The following NRCAM variants were observed in gnomAD, a reference collection of about 807,000 sequenced individuals.
NRCAM encodes neuronal cell adhesion molecule.
In NRCAM, 83 loss-of-function variants were observed where a neutral mutation model predicts 156.5. That is an observed-to-expected ratio of 0.53 (90% confidence interval 0.44 to 0.64). NRCAM has a LOEUF of 0.64. NRCAM is among the 30% of genes least tolerant of loss of function. The pLI, the probability that NRCAM is intolerant of heterozygous loss-of-function variation, is 0.00. For missense variants in NRCAM, 1,417 were observed against 1,597.3 expected (o/e 0.89, Z 1.92); for synonymous variants, 538 against 563.9 (o/e 0.95, Z 0.65).
chr7:108,219,797 A>T (rs2091438429), intron 11 of NRCAM, among the ~76,000 whole-genome samples: 1 of 152,202 alleles, frequency 6.6e-6, no homozygotes, highest in Admixed American at 6.5e-5. Flanking sequence ...GAATAAGACA[A>T]GAATGCCCAC....
chr7:108,293,410 C>T (rs545960197), intron 3 of NRCAM, among the ~76,000 whole-genome samples: 2 of 152,284 alleles, frequency 1.3e-5, no homozygotes, highest in South Asian at 2.1e-4. Context: ...GCTAAGAGGG[C>T]TCAGCTGCTT....
At chr7:108,291,127 G>T (rs2098276593) in intron 3 of NRCAM, among the ~76,000 whole-genome samples, 1 of 152,084 alleles carries the variant, frequency 6.6e-6, no homozygotes, top group Non-Finnish European at 1.5e-5. Context: ...AAAGAAAAGG[G>T]CTGCATTTCT....
At chr7:108,314,734 T>G (rs531018048) in intron 2 of NRCAM, among the ~76,000 whole-genome samples, 1 of 152,318 alleles carries the variant, frequency 6.6e-6, no homozygotes, top group East Asian at 1.9e-4. Flanking sequence ...TTGCTGGACT[T>G]TTTTGGCAGA....
chr7:108,350,747 TTTC>T (rs1228711541), intron 2 of NRCAM, among the ~76,000 whole-genome samples: 6 of 152,240 alleles, frequency 3.9e-5, no homozygotes, highest in South Asian at 4.1e-4. Flanking sequence ...TTTTCTTTTT[TTTC>T]TTCTTCTTTC....
chr7:108,232,251 G>T (rs555519788), intron 7 of NRCAM, 75 bp downstream of exon 7: 2 of 1,068,832 alleles, frequency 1.9e-6, no homozygotes, highest in Non-Finnish European at 2.7e-6. Context: ...AATAGTATTT[G>T]GATGATGTCA....
At chr7:108,380,625 G>A (rs2099696639) in intron 2 of NRCAM, among the ~76,000 whole-genome samples, 1 of 152,096 alleles carries the variant, frequency 6.6e-6, no homozygotes, top group Admixed American at 6.6e-5. Context: ...TGGTTTTGTT[G>A]TTGATGTAGC....
chr7:108,279,502 ACT>A (rs2097772809), intron 3 of NRCAM, among the ~76,000 whole-genome samples: 1 of 150,676 alleles, frequency 6.6e-6, no homozygotes, highest in Non-Finnish European at 1.5e-5. Context: ...CTTATGCAAC[ACT>A]GTTTTTTTTT....
In NRCAM at chr7:108,199,687, T is replaced by C. The variant is rs541486182; in HGVS notation, c.1208-1588A>G. ...CAAAGCCGGAAAAGGCACTCTGCTT[T>C]TGGGGGCTCATGTAATTAAATTGGG... is the stretch of plus-strand genomic sequence containing the variant. On this transcript the variant is annotated intron_variant, in intron 13 of 32. Coordinates refer to ENST00000379028, the MANE Select transcript of NRCAM (RefSeq NM_001037132.4). Among the ~76,000 whole-genome samples, 38 of 152,164 alleles carry C rather than the reference T, an allele frequency of 2.5e-4. 1 individual carries two copies. Among genetic ancestry groups the C allele is most frequent in the Non-Finnish European group, 1.0e-4 (7 of 68,020 alleles).
chr7:108,263,177 C>T (rs2096948844), intron 3 of NRCAM, among the ~76,000 whole-genome samples: 1 of 152,232 alleles, frequency 6.6e-6, no homozygotes, highest in East Asian at 1.9e-4. Flanking sequence ...AATTTCATCT[C>T]AGTCTCTAGA....
At position 108,160,494 on chromosome 7, in the gene NRCAM, T is replaced by C; in HGVS notation, c.3467-2A>G. On this transcript the variant is annotated splice_acceptor_variant, in intron 30 of 32. Transcript: ENST00000379028. LOFTEE classifies it high-confidence loss of function. ...TATCCACCTGCCGGCTTGCCATCGCTGGAAAACAAATCAATGGTGTTGGTG... is the reference window on the plus strand; with the variant it reads ...TATCCACCTGCCGGCTTGCCATCGCCGGAAAACAAATCAATGGTGTTGGTG... 1 of 1,612,876 alleles carries C rather than the reference T, an allele frequency of 6.2e-7. No individual in the cohort carries two copies. Among genetic ancestry groups the C allele is most frequent in the South Asian group, 1.1e-5 (1 of 90,816 alleles).
At chr7:108,251,113 T>A (rs940921334) in intron 3 of NRCAM, among the ~76,000 whole-genome samples, 38 of 152,168 alleles carry the variant, frequency 2.5e-4, no homozygotes, top group African/African-American at 8.5e-4. Flanking sequence ...CAGTTTAATT[T>A]TCATGGGCAA....
chr7:108,247,297 C>A (rs1037985558), intron 3 of NRCAM, among the ~76,000 whole-genome samples: 1 of 152,128 alleles, frequency 6.6e-6, no homozygotes, highest in Non-Finnish European at 1.5e-5. Context: ...TTCTTGCAAC[C>A]AGAAACATAC....
At position 108,432,089 on chromosome 7, in the gene NRCAM, T is replaced by C. The variant is rs2284289; in HGVS notation, c.-332+24154A>G. Among the ~76,000 whole-genome samples the C allele has an allele frequency of 1.1e-4, 16 of 152,330 alleles. 1 individual carries two copies. In the East Asian group the frequency reaches 3.1e-3, roughly 29 times the overall value. The stretch of plus-strand genomic sequence containing the variant: ...TTCAGGATTTTAGTGGACAGCCACT[T>C]GTGTTAGCAGTTGCTGGATTTGTTT... On this transcript the variant is annotated intron_variant, in intron 1 of 32. Transcript: ENST00000379028.
intron 32 of NRCAM, among the ~76,000 whole-genome samples, chr7:108,152,211 G>T (rs1015788751): frequency 6.6e-6 from 1 of 152,140 alleles, no homozygotes; most frequent in African/African-American, 2.4e-5. Flanking sequence ...TTGGAGAAGG[G>T]ATGGAGAGCT....
intron 11 of NRCAM, among the ~76,000 whole-genome samples, chr7:108,215,928 T>C (rs2088360265): frequency 6.6e-6 from 1 of 152,206 alleles, no homozygotes; most frequent in Non-Finnish European, 1.5e-5. Flanking sequence ...TTAATATTGT[T>C]ATGTGTGAAT....
chr7:108,382,929 G>A (rs2099708136), intron 2 of NRCAM, among the ~76,000 whole-genome samples: 1 of 152,158 alleles, frequency 6.6e-6, no homozygotes. Context: ...TCATTTACTA[G>A]TTTGTGAATT....
chr7:108,341,887 C>G (rs563462288), intron 2 of NRCAM, among the ~76,000 whole-genome samples: 1 of 152,156 alleles, frequency 6.6e-6, no homozygotes, highest in Admixed American at 6.5e-5. Flanking sequence ...AGGCCGTTGT[C>G]CCTCTATACC....
intron 32 of NRCAM, chr7:108,156,285 A>T (rs2045432532): frequency 1.0e-6 from 1 of 985,036 alleles, no homozygotes; most frequent in Non-Finnish European, 1.2e-6. Flanking sequence ...GCCACCAATT[A>T]TGTAGTAAGT....
intron 23 of NRCAM, among the ~76,000 whole-genome samples, 160 bp downstream of exon 23, chr7:108,182,535 G>C (rs2064098498): frequency 6.6e-6 from 1 of 152,192 alleles, no homozygotes; most frequent in Non-Finnish European, 1.5e-5. Flanking sequence ...TGAACGTTCT[G>C]AACTTCTCTT....
Sources: allele counts gnomAD v4.1 joint callset (sites outside exome capture counted in the v4.1 genomes callset), GRCh38; gene constraint gnomAD v4.1.1; transcripts MANE v1.5; gene names NCBI Gene and HGNC (gene_info 2026-07-23, HGNC 2026-07-21).